The following CTNNBL1 variants were observed in gnomAD, a reference collection of about 807,000 sequenced individuals.
CTNNBL1 encodes the protein catenin beta like 1.
A neutral mutation model predicts 72.7 loss-of-function variants in CTNNBL1; 31 were observed. The ratio of observed to expected loss-of-function variants is 0.43; its 90% confidence interval spans 0.32 to 0.58. The LOEUF (loss-of-function observed/expected upper bound fraction) is 0.58, where lower values mean the gene tolerates loss of function less well. Among genes scored for constraint, CTNNBL1 ranks in the 20% least tolerant of loss-of-function variants. The probability of loss-of-function intolerance (pLI) is 0.08; values close to 1 mark genes in which losing one functional copy is unlikely to be tolerated. For missense variants in CTNNBL1, 534 were observed against 725.1 expected, an observed-to-expected ratio of 0.74 and a Z score of 3.03; for synonymous variants, 240 against 267.3, an observed-to-expected ratio of 0.90 and a Z score of 1.00.
At chr20:37,772,387 G>A (rs2073532956) in intron 7 of CTNNBL1, among the ~76,000 whole-genome samples, 1 of 152,176 alleles carries the variant, frequency 6.6e-6, no homozygotes, top group Non-Finnish European at 1.5e-5. Flanking sequence ...GTCTCACTCT[G>A]TCACCCAGGC....
intron 15 of CTNNBL1, among the ~76,000 whole-genome samples, chr20:37,863,744 G>A (rs1009341429): frequency 6.6e-6 from 1 of 152,174 alleles, no homozygotes; most frequent in East Asian, 1.9e-4. Flanking sequence ...CCAGCAGACA[G>A]CGGACATTCT....
At chr20:37,810,638 G>C (rs2122751709) in intron 11 of CTNNBL1, among the ~76,000 whole-genome samples, 1 of 152,314 alleles carries the variant, frequency 6.6e-6, no homozygotes, top group South Asian at 2.1e-4. Flanking sequence ...CCAGAGAAAG[G>C]AGTATCCTTA....
At chr20:37,870,581 C>T (rs780668972) in intron 15 of CTNNBL1, among the ~76,000 whole-genome samples, 7 of 152,188 alleles carry the variant, frequency 4.6e-5, no homozygotes, top group African/African-American at 7.2e-5. Context: ...AAGCTGAAGA[C>T]GTCGCCTCAC....
At chr20:37,862,545 C>T (rs1019024135) in intron 15 of CTNNBL1, among the ~76,000 whole-genome samples, 1 of 152,150 alleles carries the variant, frequency 6.6e-6, no homozygotes, top group African/African-American at 2.4e-5. Flanking sequence ...TGGTTTATTT[C>T]CCTAGTGCCT....
chr20:37,846,381 C>T (rs1455087310), intron 13 of CTNNBL1, among the ~76,000 whole-genome samples: 1 of 151,768 alleles, frequency 6.6e-6, no homozygotes, highest in Non-Finnish European at 1.5e-5. Flanking sequence ...CAGGCTTTAT[C>T]CTGGTTCTCC....
intron 11 of CTNNBL1, among the ~76,000 whole-genome samples, chr20:37,823,799 G>C (rs370738547): frequency 2.0e-5 from 3 of 152,310 alleles, no homozygotes; most frequent in East Asian, 3.9e-4. Context: ...GAAGAACAAA[G>C]ACATTGCTGA....
intron 11 of CTNNBL1, among the ~76,000 whole-genome samples, chr20:37,811,989 G>T (rs989214261): frequency 6.6e-6 from 1 of 152,218 alleles, no homozygotes; most frequent in Non-Finnish European, 1.5e-5. Context: ...TCCAACACCA[G>T]GGTGGCTCCA....
At chr20:37,822,841 C>T (rs2072121079) in intron 11 of CTNNBL1, among the ~76,000 whole-genome samples, 1 of 152,176 alleles carries the variant, frequency 6.6e-6, no homozygotes, top group Non-Finnish European at 1.5e-5. Context: ...ATGAAGCACC[C>T]AGCATGTGAA....
intron 1 of CTNNBL1, among the ~76,000 whole-genome samples, chr20:37,729,038 T>C (rs2073108489): frequency 6.6e-6 from 1 of 152,238 alleles, no homozygotes; most frequent in Non-Finnish European, 1.5e-5. Context: ...TTGAAGACCC[T>C]TCAAACCTTA....
chr20:37,791,243 T>G (rs1415605145), intron 10 of CTNNBL1, among the ~76,000 whole-genome samples: 2 of 152,250 alleles, frequency 1.3e-5, no homozygotes, highest in Admixed American at 1.3e-4. Flanking sequence ...GCAGACATTG[T>G]AAATTGCTCT....
At chr20:37,788,810 C>A (rs1450063845) in intron 10 of CTNNBL1, among the ~76,000 whole-genome samples, 1 of 152,222 alleles carries the variant, frequency 6.6e-6, no homozygotes, top group Non-Finnish European at 1.5e-5. Flanking sequence ...TCTGAGCTTT[C>A]ATTTCCAGGA....
chr20:37,727,376 T>G, intron 1 of CTNNBL1: 1 of 983,694 alleles, frequency 1.0e-6, no homozygotes, highest in East Asian at 1.1e-4. Flanking sequence ...ATCTATCTAT[T>G]ATCGTGAAGC....
chr20:37,743,751 A>AGTATTG (rs2073238265), intron 3 of CTNNBL1, among the ~76,000 whole-genome samples: 1 of 152,322 alleles, frequency 6.6e-6, no homozygotes, highest in South Asian at 2.1e-4. Context: ...ATAGTATTGG[A>AGTATTG]GCACTTGGCC....
intron 4 of CTNNBL1, among the ~76,000 whole-genome samples, chr20:37,746,833 A>G (rs537987582): frequency 6.6e-5 from 10 of 152,354 alleles, no homozygotes; most frequent in African/African-American, 1.7e-4. Flanking sequence ...AAATTGTCCT[A>G]TTTGCTCTTA....
intron 11 of CTNNBL1, among the ~76,000 whole-genome samples, chr20:37,805,746 G>A (rs1318026677): frequency 2.6e-5 from 4 of 152,136 alleles, no homozygotes; most frequent in Admixed American, 1.3e-4. Flanking sequence ...TCATGAACCC[G>A]TAGACTAGGA....
intron 6 of CTNNBL1, among the ~76,000 whole-genome samples, chr20:37,765,731 G>A (rs1388722236): frequency 6.6e-6 from 1 of 152,128 alleles, no homozygotes; most frequent in Non-Finnish European, 1.5e-5. Flanking sequence ...TTGAAAAAGA[G>A]TTTTTCTCTC....
intron 11 of CTNNBL1, among the ~76,000 whole-genome samples, chr20:37,825,210 G>A (rs951641053): frequency 1.8e-4 from 28 of 151,956 alleles, no homozygotes; most frequent in Admixed American, 7.9e-4. Context: ...AAAATTAGTC[G>A]GGCATGGTGG....
chr20:37,811,942 A>G (rs1261812326), intron 11 of CTNNBL1, among the ~76,000 whole-genome samples: 1 of 152,236 alleles, frequency 6.6e-6, no homozygotes, highest in Non-Finnish European at 1.5e-5. Flanking sequence ...TTAGTGACAA[A>G]GCAAAATTTG....
intron 10 of CTNNBL1, among the ~76,000 whole-genome samples, chr20:37,783,611 A>G (rs772900964): frequency 1.3e-5 from 2 of 151,818 alleles, no homozygotes; most frequent in Non-Finnish European, 2.9e-5. Flanking sequence ...TAATTTCTTC[A>G]TTGGCCCACT....
Sources: allele counts gnomAD v4.1 joint callset (sites outside exome capture counted in the v4.1 genomes callset), GRCh38; gene constraint gnomAD v4.1.1; transcripts MANE v1.5; gene names NCBI Gene and HGNC (gene_info 2026-07-23, HGNC 2026-07-21).